CRAT: variants seen among roughly 807,000 people sequenced by gnomAD.
The protein encoded by CRAT is carnitine O-acetyltransferase.
Under a neutral mutation model 73.7 loss-of-function variants are expected in CRAT, and 66 were observed. That is an observed-to-expected ratio of 0.90 (90% CI 0.73 to 1.10). CRAT has a LOEUF of 1.10. CRAT is among the 50% of genes least tolerant of loss of function. The pLI is 0.00. For missense variants in CRAT, 745 were observed against 846.9 expected, an observed-to-expected ratio of 0.88 and a Z score of 1.49; for synonymous variants, 321 against 343.2, an observed-to-expected ratio of 0.94 and a Z score of 0.71.
rs1848376902 is a variant in CRAT, at chr9:129,110,621, C to CA, written c.-113dup. On this transcript the variant is annotated 5_prime_UTR_variant, in exon 1 of 14. Coordinates refer to ENST00000318080, the MANE Select transcript of CRAT (RefSeq NM_000755.5). This position sits in a 1 kb window ranked among gnomAD's most constrained non-coding sequence, Gnocchi z 5.3. ...TGGGTCCTTGCTAGAGCCTTCGGGC[C>CA]AAGGTCGCTGAGTTACAGCCGCCAG... 1 of 1,257,590 alleles carries CA rather than the reference C, an allele frequency of 8.0e-7. No homozygotes were observed. Among genetic ancestry groups the CA allele is most frequent in the Admixed American group, 3.5e-5 (1 of 28,448 alleles). The allele number at this position is 1,257,590 out of a possible 1,614,324, so 77.9% of individuals were successfully genotyped here.
intron 13 of CRAT, 44 bp from the exon 14 acceptor site, chr9:129,095,656 G>A (rs768724372): frequency 7.0e-6 from 11 of 1,572,238 alleles, no homozygotes; most frequent in African/African-American, 2.7e-5. Context: ...CTACCTTGAC[G>A]CCCCCAGCAC....
intron 6 of CRAT, among the ~76,000 whole-genome samples, chr9:129,101,063 C>G (rs1847642139): frequency 6.6e-6 from 1 of 152,070 alleles, no homozygotes; most frequent in East Asian, 1.9e-4. Context: ...TGGAGGACTG[C>G]TGGTACTTGG....
chr9:129,096,546 G>T (rs1847293539), intron 12 of CRAT, among the ~76,000 whole-genome samples: 1 of 152,260 alleles, frequency 6.6e-6, no homozygotes, highest in Non-Finnish European at 1.5e-5. Context: ...ACACACAGGT[G>T]CTCAGAGACA....
At chr9:129,102,202 G>T (rs1847715825) in intron 5 of CRAT, 145 bp from the exon 6 acceptor site, 2 of 1,185,952 alleles carry the variant, frequency 1.7e-6, no homozygotes, top group East Asian at 2.5e-5. Flanking sequence ...GGAGGTCCTT[G>T]GATCACCCTT....
At chr9:129,095,813 A>G (rs751862448) in intron 13 of CRAT, among the ~76,000 whole-genome samples, 185 bp downstream of exon 13, 14 of 152,242 alleles carry the variant, frequency 9.2e-5, no homozygotes, top group Non-Finnish European at 1.8e-4. Context: ...AGCGAAGCTG[A>G]TTCTCCCATG....
At chr9:129,108,867 T>G in intron 1 of CRAT, 2 of 1,302,874 alleles carry the variant, frequency 1.5e-6, no homozygotes, top group Non-Finnish European at 2.0e-6. Context: ...ACAAAGTGAG[T>G]GAGCAGAACC....
rs1564165776 is a variant in CRAT, at chr9:129,103,105, C to T, written c.411-39G>A. 6.3e-7 allele frequency: 1 copy of T among 1,592,180 alleles called. No individual in the cohort carries two copies. Among genetic ancestry groups the T allele is most frequent in the Non-Finnish European group, 8.6e-7 (1 of 1,160,164 alleles). ...TTAGAGATTAGAAGCTGCGTGGACA[C>T]CCTGAGGGAGGCCCCGGGCTAGGGA... On this transcript the variant is annotated intron_variant, in intron 3 of 13. Coordinates refer to ENST00000318080, the MANE Select transcript of CRAT (RefSeq NM_000755.5). The surrounding 1 kb of genome is among the most constrained non-coding windows in gnomAD (Gnocchi z 4.6).
chr9:129,100,840 G>A (rs1228448181), intron 6 of CRAT, 151 bp from the exon 7 acceptor site: 1 of 922,550 alleles, frequency 1.1e-6, no homozygotes, highest in Non-Finnish European at 1.6e-6. Context: ...CGGCCCTCCA[G>A]GGCATTCACC....
intron 1 of CRAT, chr9:129,109,031 C>T (rs891455265): frequency 2.2e-5 from 27 of 1,232,606 alleles, no homozygotes; most frequent in South Asian, 2.0e-4. Context: ...TCCACCCTCC[C>T]GAGCTCCCAG....
At position 129,098,046 on chromosome 9, in the gene CRAT, GGTGA is replaced by G. The variant is rs1204764642; in HGVS notation, c.1427_1430del (p.Leu476ProfsTer47). The stretch of plus-strand genomic sequence containing the variant: ...TGGAGTCATCCATGGCCTTGACAAA[GGTGA>G]GTGAGTCCATGGAAGCCGAGCGGAT... On this transcript the variant is annotated frameshift_variant, in exon 11 of 14. Coordinates refer to ENST00000318080, the MANE Select transcript of CRAT (RefSeq NM_000755.5). LOFTEE classifies it high-confidence loss of function. The G allele has an allele frequency of 1.2e-6, 2 of 1,613,928 alleles. No homozygotes were observed. The highest frequency in any genetic ancestry group is 1.7e-6 in the Non-Finnish European group (2 of 1,180,052).
In CRAT at chr9:129,095,391, A is replaced by G; in HGVS notation, c.*6T>C. 1 of 1,608,736 alleles carries G rather than the reference A, an allele frequency of 6.2e-7. No homozygotes were observed. Among genetic ancestry groups the G allele is most frequent in the Admixed American group, 1.7e-5 (1 of 59,994 alleles). ...TGTGGCATTGGCAGGCCTGAGTCCTAGGGGCTCAGAGCTTGGCCCGGGGGT... is the reference window on the plus strand; with the variant it reads ...TGTGGCATTGGCAGGCCTGAGTCCTGGGGGCTCAGAGCTTGGCCCGGGGGT... On this transcript the variant is annotated 3_prime_UTR_variant, in exon 14 of 14. Coordinates refer to ENST00000318080, the MANE Select transcript of CRAT (RefSeq NM_000755.5).
chr9:129,107,774 G>A lies in CRAT; in HGVS notation c.291+40C>T, dbSNP rs757360464. On this transcript the variant is annotated intron_variant, in intron 2 of 13. Coordinates refer to ENST00000318080, the MANE Select transcript of CRAT (RefSeq NM_000755.5). This position sits in a 1 kb window ranked among gnomAD's most constrained non-coding sequence, Gnocchi z 5.0. ...GTGGGCACTGGAGAACTGTGCATGTGCAGCCAGCAGCAGGTCACAGTGAGG... is the reference window on the plus strand; with the variant it reads ...GTGGGCACTGGAGAACTGTGCATGTACAGCCAGCAGCAGGTCACAGTGAGG... 1.2e-5 allele frequency: 20 copies of A among 1,612,898 alleles called. No individual in the cohort carries two copies. The African/African-American group carries it at 2.4e-4, about 19-fold the overall frequency.
intron 1 of CRAT, chr9:129,108,626 G>A (rs1221920824): frequency 3.7e-5 from 42 of 1,136,610 alleles, no homozygotes; most frequent in African/African-American, 1.3e-4. Flanking sequence ...CGAGAGAGCC[G>A]GGTGGCCTGG....
intron 8 of CRAT, among the ~76,000 whole-genome samples, chr9:129,099,335 T>A (rs963843075): frequency 6.6e-6 from 1 of 151,824 alleles, no homozygotes; most frequent in Non-Finnish European, 1.5e-5. Context: ...GGTTTCACCA[T>A]GTTGGCCAGG....
rs1481139781 is a variant in CRAT, at chr9:129,104,337, G to A, written c.292-31C>T. On this transcript the variant is annotated intron_variant, in intron 2 of 13. Coordinates refer to ENST00000318080, the MANE Select transcript of CRAT (RefSeq NM_000755.5). ...AAAAGTGCCAGAGCCTGTCAGGAGGGGTGCATGGGCCCTGGTGCCCCCTGT... is the reference window on the plus strand; with the variant it reads ...AAAAGTGCCAGAGCCTGTCAGGAGGAGTGCATGGGCCCTGGTGCCCCCTGT... 3.8e-6 allele frequency: 6 copies of A among 1,571,394 alleles called. No homozygotes were observed. The East Asian group carries it at 1.1e-4, about 29-fold the overall frequency.
Position 129,107,976 on chromosome 9 carries a change from G to C in CRAT, c.129C>G (p.Leu43=), listed in dbSNP as rs759455832. ...TCAGGTAGTGGTCCAGGGACTGCTGGAGAGGGGGCACGGGCAGCCGTGGCA... is the reference window on the plus strand; with the variant it reads ...TCAGGTAGTGGTCCAGGGACTGCTGCAGAGGGGGCACGGGCAGCCGTGGCA... ...DALPRLPVPP[L]QQSLDHYLKA... The change falls in exon 2 of 14, where the codon CTC becomes CTG. Residue 43 remains leucine, a synonymous_variant. Coordinates refer to ENST00000318080, the MANE Select transcript of CRAT (RefSeq NM_000755.5). The surrounding 1 kb of genome is among the most constrained non-coding windows in gnomAD (Gnocchi z 5.0). The C allele has an allele frequency of 6.2e-7, 1 of 1,603,916 alleles. No individual in the cohort carries two copies. The highest frequency in any genetic ancestry group is 8.5e-7 in the Non-Finnish European group (1 of 1,176,872).
rs776549921 is a variant in CRAT, at chr9:129,100,501, C to A, written c.984+10G>T. ...TGTGTGTGAGTGGGCGAAGCCCTGCCGGGCCTCACCTGCAGCGTCTTGTCG... is the reference window on the plus strand; with the variant it reads ...TGTGTGTGAGTGGGCGAAGCCCTGCAGGGCCTCACCTGCAGCGTCTTGTCG... On this transcript the variant is annotated intron_variant, in intron 7 of 13. Coordinates refer to ENST00000318080, the MANE Select transcript of CRAT (RefSeq NM_000755.5). 1.2e-6 allele frequency: 2 copies of A among 1,609,170 alleles called. No homozygotes were observed. The highest frequency in any genetic ancestry group is 2.2e-5 in the East Asian group (1 of 44,822).
intron 1 of CRAT, chr9:129,108,692 T>C (rs1848173375): frequency 1.5e-6 from 2 of 1,292,666 alleles, no homozygotes; most frequent in Middle Eastern, 2.7e-4. Flanking sequence ...GGCCCTGGAG[T>C]GGGCAGAGAC....
chr9:129,104,701 T>C (rs920195550), intron 2 of CRAT, among the ~76,000 whole-genome samples: 1 of 150,850 alleles, frequency 6.6e-6, no homozygotes, highest in Non-Finnish European at 1.5e-5. Context: ...GCCTCCTGGG[T>C]TCACGCCATT....
Sources: gnomAD v4.1 joint callset for allele counts (sites outside exome capture counted in the v4.1 genomes callset) on GRCh38, gnomAD v4.1.1 for gene constraint, Gnocchi (gnomAD v3.1) non-coding constraint, MANE v1.5 for transcripts, NCBI Gene and HGNC (gene_info 2026-07-23, HGNC 2026-07-21) for gene names.